CUEDC1: variants seen among roughly 807,000 people sequenced by gnomAD.
CUEDC1 encodes CUE domain containing 1.
In CUEDC1, 30 loss-of-function variants were observed where a neutral mutation model predicts 43.7. The observed-to-expected ratio is 0.69, with a 90% confidence interval of 0.51 to 0.93. The LOEUF (loss-of-function observed/expected upper bound fraction) is 0.93, where lower values mean the gene tolerates loss of function less well. Among genes scored for constraint, CUEDC1 ranks in the 40% least tolerant of loss-of-function variants. The pLI is 0.00. For synonymous variants in CUEDC1, 223 were observed against 223.6 expected (o/e 1.00, Z 0.02); for missense variants, 486 against 549.0 (o/e 0.89, Z 1.15).
intron 1 of CUEDC1, among the ~76,000 whole-genome samples, chr17:57,905,233 TTCTC>T (rs139233458): frequency 1.0e-5 from 1 of 99,570 alleles, no homozygotes; most frequent in Non-Finnish European, 2.1e-5. Context: ...TGGCTACAGC[TTCTC>T]TCTCTCTCTC....
chr17:57,886,464 G>A (rs1259906564), intron 1 of CUEDC1, among the ~76,000 whole-genome samples: 3 of 152,216 alleles, frequency 2.0e-5, no homozygotes, highest in Non-Finnish European at 1.5e-5. Flanking sequence ...GATGAGAAGC[G>A]GGACCCTCCA....
intron 1 of CUEDC1, among the ~76,000 whole-genome samples, chr17:57,942,799 C>T (rs890996447): frequency 5.9e-5 from 9 of 151,714 alleles, no homozygotes; most frequent in Admixed American, 2.6e-4. Context: ...GAGGCCGAGG[C>T]GGGTGGATCA....
intron 3 of CUEDC1, among the ~76,000 whole-genome samples, chr17:57,874,910 T>A (rs550043019): frequency 1.3e-5 from 2 of 152,138 alleles, no homozygotes; most frequent in Non-Finnish European, 2.9e-5. Context: ...GATAACCAGC[T>A]GCTAAGTGCC....
At chr17:57,940,058 G>C (rs2074903200) in intron 1 of CUEDC1, among the ~76,000 whole-genome samples, 1 of 152,184 alleles carries the variant, frequency 6.6e-6, no homozygotes, top group Non-Finnish European at 1.5e-5. Context: ...TCTGAACTGA[G>C]AGACAAGCTG....
In CUEDC1 at chr17:57,861,512, G is replaced by A. The variant is rs1395211078; in HGVS notation, c.*1777C>T. Reference sequence around the variant, plus strand: ...AGGGGTACCCTAGGGATGCGACGCGGGGCTCCTGGGGACAAACCCTGCCCC... The same window carrying A: ...AGGGGTACCCTAGGGATGCGACGCGAGGCTCCTGGGGACAAACCCTGCCCC... On this transcript the variant is annotated 3_prime_UTR_variant, in exon 11 of 11. Coordinates refer to ENST00000577830, the MANE Select transcript of CUEDC1 (RefSeq NM_001271875.2). 6.6e-6 allele frequency: 1 copy of A among 152,338 alleles called. No homozygotes were observed. Among genetic ancestry groups the A allele is most frequent in the Non-Finnish European group, 1.5e-5 (1 of 68,166 alleles). 9.4% of individuals were successfully genotyped at this position (152,338 alleles called of 1,614,324 possible).
intron 1 of CUEDC1, among the ~76,000 whole-genome samples, chr17:57,953,873 C>A (rs188890626): frequency 6.6e-6 from 1 of 152,298 alleles, no homozygotes; most frequent in Non-Finnish European, 1.5e-5. Context: ...GGGTTTCACA[C>A]CCAGCCCTGC....
At chr17:57,923,899 G>C (rs1419524271) in intron 1 of CUEDC1, among the ~76,000 whole-genome samples, 1 of 152,176 alleles carries the variant, frequency 6.6e-6, no homozygotes. Flanking sequence ...GAGGAAACAG[G>C]CTCGATGGAT....
chr17:57,866,404 A>G lies in CUEDC1; in HGVS notation c.*3+70T>C, dbSNP rs1228816450. 11 of 1,444,206 alleles carry G rather than the reference A, an allele frequency of 7.6e-6. No homozygotes were observed. The East Asian group carries it at 2.3e-4, about 30-fold the overall frequency. The allele number at this position is 1,444,206 out of a possible 1,614,324, so 89.5% of individuals were successfully genotyped here. A position where few individuals can be genotyped will look rare whatever the true frequency, so the allele number is the denominator to read the frequency against. ...AGCGCCTCTGGACACCTGGGAGGAC[A>G]TGTGGGGTGCATAGTGTGGGGGGCC... On this transcript the variant is annotated intron_variant, in intron 10 of 10. Coordinates refer to ENST00000577830, the MANE Select transcript of CUEDC1 (RefSeq NM_001271875.2).
intron 1 of CUEDC1, among the ~76,000 whole-genome samples, chr17:57,949,632 G>T (rs1056980482): frequency 6.8e-6 from 1 of 146,292 alleles, no homozygotes; most frequent in African/African-American, 2.6e-5. Context: ...GAGTGCAGTG[G>T]TGCAATTTCA....
rs768323459 is a variant in CUEDC1 at position 57,872,738 on chromosome 17, C to T, written c.709G>A (p.Ala237Thr). The change falls in exon 5 of 11, where the codon GCG becomes ACG. Residue 237 changes from alanine to threonine, a missense_variant. Physicochemically the swap from Ala to Thr is moderately conservative, Grantham distance 58 (BLOSUM62 0). Transcript: ENST00000577830. ...AACTCCTCGTTCTGCAGGAAAAGCG[C>T]GATCCTCTCGTCCTCCAGGTACTGC... is the stretch of plus-strand genomic sequence containing the variant. ...WKQYLEDERIALFLQNEEFMK... is the reference protein window; with the variant it reads ...WKQYLEDERITLFLQNEEFMK... The T allele has an allele frequency of 6.2e-6, 10 of 1,614,076 alleles. No homozygotes were observed. The highest frequency in any genetic ancestry group is 2.2e-5 in the East Asian group (1 of 44,894).
chr17:57,916,579 GCTGGCAGACCAGAGCC>G (rs1350461220), intron 1 of CUEDC1, among the ~76,000 whole-genome samples: 3 of 152,214 alleles, frequency 2.0e-5, no homozygotes, highest in Non-Finnish European at 4.4e-5. Flanking sequence ...TGTGATCGAT[GCTGGCAGACCAGAGCC>G]CTGACAGGAA....
At chr17:57,949,517 C>G (rs2074986358) in intron 1 of CUEDC1, among the ~76,000 whole-genome samples, 2 of 151,202 alleles carry the variant, frequency 1.3e-5, no homozygotes, top group Admixed American at 6.6e-5. Context: ...GCTCCACCCT[C>G]CCCCACCACG....
intron 1 of CUEDC1, among the ~76,000 whole-genome samples, chr17:57,949,668 G>A (rs2074988551): frequency 6.7e-6 from 1 of 148,970 alleles, no homozygotes; most frequent in African/African-American, 2.5e-5. Context: ...GGCCTCCCAG[G>A]CTCAAGCGAT....
At chr17:57,938,654 T>A (rs528352094) in intron 1 of CUEDC1, among the ~76,000 whole-genome samples, 3 of 151,896 alleles carry the variant, frequency 2.0e-5, no homozygotes, top group Non-Finnish European at 4.4e-5. Context: ...TTTATTTATT[T>A]ATTATTTATT....
rs943768578 is a variant in CUEDC1, at chr17:57,950,867, T to C, written c.-316+4358A>G. ...TCTGCCCTGTTCCTCTGGACCAATGTTAGTATTAACTTTATGCCATTCAAC... is the reference window on the plus strand; with the variant it reads ...TCTGCCCTGTTCCTCTGGACCAATGCTAGTATTAACTTTATGCCATTCAAC... On this transcript the variant is annotated intron_variant, in intron 1 of 10. Coordinates refer to ENST00000577830, the MANE Select transcript of CUEDC1 (RefSeq NM_001271875.2). 2.2e-4 allele frequency among the ~76,000 whole-genome samples: 33 copies of C among 152,236 alleles called. 1 individual carries two copies. The highest frequency in any genetic ancestry group is 7.2e-4 in the African/African-American group (30 of 41,468).
At chr17:57,932,488 G>C (rs1199289972) in intron 1 of CUEDC1, among the ~76,000 whole-genome samples, 2 of 150,572 alleles carry the variant, frequency 1.3e-5, no homozygotes. Context: ...GGGAGGCCGA[G>C]GCAGGAGAAT....
chr17:57,863,498 G>C (rs1015639199), intron 10 of CUEDC1: 10 of 152,226 alleles, frequency 6.6e-5, no homozygotes, highest in African/African-American at 2.2e-4. Flanking sequence ...CCAGCTGCAG[G>C]GACTCTGGCA....
chr17:57,912,289 C>T (rs2074592265), intron 1 of CUEDC1: 1 of 152,278 alleles, frequency 6.6e-6, no homozygotes, highest in African/African-American at 2.4e-5. Context: ...CTAAGCCACC[C>T]TGGACTCGGG....
intron 1 of CUEDC1, among the ~76,000 whole-genome samples, chr17:57,943,859 A>C (rs1288966437): frequency 6.6e-6 from 1 of 152,196 alleles, no homozygotes; most frequent in African/African-American, 2.4e-5. Context: ...CTGTACACTT[A>C]ATCTACCTCT....
Sources: allele counts gnomAD v4.1 joint callset (sites outside exome capture counted in the v4.1 genomes callset), GRCh38; gene constraint gnomAD v4.1.1; transcripts MANE v1.5; gene names NCBI Gene and HGNC (gene_info 2026-07-23, HGNC 2026-07-21).